The following NRXN1 variants were observed in gnomAD, a reference collection of about 807,000 sequenced individuals.
NRXN1 encodes neurexin-1.
In NRXN1, 39 loss-of-function variants were observed where a neutral mutation model predicts 150.9. That is an observed-to-expected ratio of 0.26 (90% CI 0.20 to 0.34). NRXN1 has a LOEUF of 0.34. Among genes scored for constraint, NRXN1 ranks in the 10% least tolerant of loss-of-function variants. NRXN1 has a pLI of 1.00. For missense variants in NRXN1, 1,815 were observed against 1,949.9 expected, an observed-to-expected ratio of 0.93 and a Z score of 1.30; for synonymous variants, 924 against 757.0, an observed-to-expected ratio of 1.22 and a Z score of -3.62.
chr2:49,968,923 A>G (rs1047471533), intron 21 of NRXN1, among the ~76,000 whole-genome samples: 1 of 152,086 alleles, frequency 6.6e-6, no homozygotes, highest in Non-Finnish European at 1.5e-5. Flanking sequence ...AACCCATGAC[A>G]TCTAGCAGTG....
chr2:50,972,373 C>T (rs1479774396), intron 2 of NRXN1, among the ~76,000 whole-genome samples: 1 of 152,044 alleles, frequency 6.6e-6, no homozygotes, highest in African/African-American at 2.4e-5. Flanking sequence ...ATCTATATGC[C>T]ACTTTGTGGG....
intron 18 of NRXN1, among the ~76,000 whole-genome samples, chr2:50,195,398 A>C (rs1189803726): frequency 6.6e-6 from 1 of 152,124 alleles, no homozygotes; most frequent in East Asian, 1.9e-4. Context: ...ATAGTGCTTC[A>C]GTAGTAATTC....
At chr2:50,092,555 T>C (rs1486055363) in intron 18 of NRXN1, among the ~76,000 whole-genome samples, 1 of 152,186 alleles carries the variant, frequency 6.6e-6, no homozygotes, top group Non-Finnish European at 1.5e-5. Flanking sequence ...CATCCTTTCC[T>C]GTAGAAGTTT....
chr2:50,819,268 G>C (rs1669368230), intron 5 of NRXN1, among the ~76,000 whole-genome samples: 1 of 152,162 alleles, frequency 6.6e-6, no homozygotes, highest in African/African-American at 2.4e-5. Context: ...TAGCCAAAGG[G>C]CAGAAACAAC....
At chr2:50,227,713 T>G (rs2064535027) in intron 18 of NRXN1, among the ~76,000 whole-genome samples, 1 of 151,966 alleles carries the variant, frequency 6.6e-6, no homozygotes, top group Admixed American at 6.6e-5. Context: ...GAGAGATTAG[T>G]TAGAAGGCTA....
chr2:50,978,011 A>G (rs963983411), intron 2 of NRXN1, among the ~76,000 whole-genome samples: 1 of 151,480 alleles, frequency 6.6e-6, no homozygotes, highest in African/African-American at 2.4e-5. Flanking sequence ...TGGCTTTACT[A>G]AACTTACCAG....
intron 8 of NRXN1, among the ~76,000 whole-genome samples, chr2:50,599,214 C>T (rs1185135416): frequency 1.3e-5 from 2 of 152,050 alleles, no homozygotes; most frequent in African/African-American, 4.8e-5. Context: ...CAAGGTCACA[C>T]CAAAATAAAA....
At chr2:49,992,698 A>G (rs963575522) in intron 21 of NRXN1, among the ~76,000 whole-genome samples, 4 of 152,196 alleles carry the variant, frequency 2.6e-5, no homozygotes, top group Non-Finnish European at 5.9e-5. Flanking sequence ...GTGATCCAAA[A>G]TATACAAAGA....
chr2:50,121,721 G>A (rs541446972), intron 18 of NRXN1, among the ~76,000 whole-genome samples: 54 of 152,196 alleles, frequency 3.5e-4, no homozygotes, highest in Non-Finnish European at 6.5e-4. Context: ...TGATTAGTAT[G>A]GAAGAAAACA....
At chr2:50,065,346 A>C (rs980460226) in intron 19 of NRXN1, among the ~76,000 whole-genome samples, 1 of 152,130 alleles carries the variant, frequency 6.6e-6, no homozygotes, top group African/African-American at 2.4e-5. Context: ...CTGACTCGAA[A>C]GTTGTTCCAT....
At chr2:50,542,301 G>C (rs1389741699) in intron 9 of NRXN1, among the ~76,000 whole-genome samples, 1 of 151,748 alleles carries the variant, frequency 6.6e-6, no homozygotes, top group Non-Finnish European at 1.5e-5. Context: ...AAGAGAGAGA[G>C]AGAGAGATAG....
intron 15 of NRXN1, among the ~76,000 whole-genome samples, chr2:50,486,101 C>T (rs965280586): frequency 6.6e-6 from 1 of 152,154 alleles, no homozygotes; most frequent in Non-Finnish European, 1.5e-5. Flanking sequence ...AAAACCTTAA[C>T]ACAATACATT....
chr2:50,978,295 TATATATATATAAA>T (rs1696224578), intron 2 of NRXN1, among the ~76,000 whole-genome samples: 2 of 126,462 alleles, frequency 1.6e-5, no homozygotes, highest in Admixed American at 1.7e-4. Flanking sequence ...TATATATATA[TATATATATATAAA>T]ATATATATAT....
chr2:50,683,159 TC>T (rs1559119011), intron 5 of NRXN1, among the ~76,000 whole-genome samples: 3 of 151,996 alleles, frequency 2.0e-5, no homozygotes, highest in Non-Finnish European at 4.4e-5. Flanking sequence ...TACAAAGTAA[TC>T]TACTTTGTAA....
At chr2:49,932,454 C>A (rs1199714065) in intron 22 of NRXN1, among the ~76,000 whole-genome samples, 1 of 152,056 alleles carries the variant, frequency 6.6e-6, no homozygotes, top group Non-Finnish European at 1.5e-5. Context: ...CCTTTCCTTT[C>A]CTTTTCGCTT....
chr2:50,559,542 AT>A (rs1044489217), intron 8 of NRXN1, among the ~76,000 whole-genome samples: 11 of 152,158 alleles, frequency 7.2e-5, no homozygotes, highest in African/African-American at 2.7e-4. Flanking sequence ...CGCTAGTTTA[AT>A]TTATCTTAAA....
chr2:50,829,754 C>T, intron 5 of NRXN1: 2 of 1,569,782 alleles, frequency 1.3e-6, no homozygotes, highest in South Asian at 1.2e-5. Flanking sequence ...CACGGCATGG[C>T]CCGCTTAAGT....
chr2:50,763,622 A>T (rs564782499), intron 5 of NRXN1, among the ~76,000 whole-genome samples: 2 of 151,888 alleles, frequency 1.3e-5, no homozygotes, highest in Non-Finnish European at 1.5e-5. Context: ...TCTCCAGCCA[A>T]CTTGTGGAAG....
chr2:51,027,497 C>T lies in NRXN1; in HGVS notation c.772+5G>A. On this transcript the variant is annotated splice_donor_5th_base_variant and intron_variant, in intron 2 of 22. Coordinates refer to ENST00000401669, the MANE Select transcript of NRXN1 (RefSeq NM_001330078.2). ...GGCCCCCGTGGGTCGGGCGTCGGGC[C>T]TTACCTTGGCTGCAGTCCTTGCCGC... 1 of 1,521,266 alleles carries T rather than the reference C, an allele frequency of 6.6e-7. No individual in the cohort carries two copies. The highest frequency in any genetic ancestry group is 8.8e-7 in the Non-Finnish European group (1 of 1,134,564). The allele number at this position is 1,521,266 out of a possible 1,614,324, so 94.2% of individuals were successfully genotyped here.
Sources: allele counts gnomAD v4.1 joint callset (sites outside exome capture counted in the v4.1 genomes callset), GRCh38; gene constraint gnomAD v4.1.1; transcripts MANE v1.5; gene names NCBI Gene and HGNC (gene_info 2026-07-23, HGNC 2026-07-21).